Variants in ERI1 observed in about 807,000 individuals in gnomAD.
The protein encoded by ERI1 is 3'-5' exoribonuclease 1.
In ERI1, 39 loss-of-function variants were observed where a neutral mutation model predicts 39.7. The observed-to-expected ratio is 0.98, with a 90% CI of 0.76 to 1.28. ERI1 has a LOEUF of 1.28. Among genes scored for constraint, ERI1 ranks in the 50% most tolerant of loss-of-function variants. The pLI, the probability that ERI1 is intolerant of heterozygous loss-of-function variation, is 0.00. For synonymous variants in ERI1, 204 were observed against 149.6 expected (o/e 1.36, Z -2.65); for missense variants, 581 against 416.9 (o/e 1.39, Z -3.43).
At chr8:9,065,681 C>G (rs1344150278) in intron 3 of ERI1, among the ~76,000 whole-genome samples, 4 of 104,268 alleles carry the variant, frequency 3.8e-5, no homozygotes, top group African/African-American at 1.1e-4. Flanking sequence ...GGCAACAGAG[C>G]GAGACTCCAT....
At chr8:9,047,587 T>C (rs549754393) in intron 3 of ERI1, among the ~76,000 whole-genome samples, 1 of 152,200 alleles carries the variant, frequency 6.6e-6, no homozygotes, top group East Asian at 1.9e-4. Context: ...CAGTCCCAGC[T>C]ACTCAGGAGG....
At chr8:9,022,409 A>AT (rs774260360) in intron 6 of ERI1, among the ~76,000 whole-genome samples, 5 of 151,562 alleles carry the variant, frequency 3.3e-5, no homozygotes, top group Non-Finnish European at 5.9e-5. Flanking sequence ...TTTTTGGTTT[A>AT]TTTGTCTTTG....
chr8:9,085,409 A>G (rs1406657736), intron 3 of ERI1, among the ~76,000 whole-genome samples: 1 of 151,952 alleles, frequency 6.6e-6, no homozygotes, highest in Non-Finnish European at 1.5e-5. Context: ...GAGTTTCACC[A>G]TGTTGGCCAG....
intron 3 of ERI1, among the ~76,000 whole-genome samples, chr8:9,092,477 T>C (rs1046756202): frequency 6.6e-6 from 1 of 152,200 alleles, no homozygotes; most frequent in East Asian, 1.9e-4. Context: ...ATTGGTTAAG[T>C]AGGTGAAGAT....
chr8:9,035,037 G>A (rs1284289056), downstream of ERI1, among the ~76,000 whole-genome samples: 1 of 152,196 alleles, frequency 6.6e-6, no homozygotes, highest in East Asian at 1.9e-4. Context: ...TATTCTGTGA[G>A]GGTTGAGGGA....
chr8:9,090,417 C>T (rs752890897), intron 3 of ERI1, among the ~76,000 whole-genome samples: 7 of 152,052 alleles, frequency 4.6e-5, no homozygotes, highest in Non-Finnish European at 1.0e-4. Context: ...AAATAATCAG[C>T]AATGCAGATG....
At chr8:9,072,284 C>T (rs1302484540) in intron 3 of ERI1, among the ~76,000 whole-genome samples, 1 of 152,198 alleles carries the variant, frequency 6.6e-6, no homozygotes, top group Non-Finnish European at 1.5e-5. Context: ...TTTCTAGTGG[C>T]CTGAAGGTTT....
intron 6 of ERI1, among the ~76,000 whole-genome samples, chr8:9,021,057 C>G (rs1323342511): frequency 3.3e-5 from 5 of 152,132 alleles, no homozygotes; most frequent in Non-Finnish European, 5.9e-5. Flanking sequence ...AGTTACCACT[C>G]CTGCTTGTCC....
At chr8:9,014,983 G>T (rs1420880858) in intron 3 of ERI1, among the ~76,000 whole-genome samples, 2 of 152,044 alleles carry the variant, frequency 1.3e-5, no homozygotes, top group Non-Finnish European at 2.9e-5. Flanking sequence ...AACTATACGT[G>T]CATGCCACCT....
intron 6 of ERI1, among the ~76,000 whole-genome samples, chr8:9,022,119 A>G (rs1004083408): frequency 2.6e-5 from 4 of 152,048 alleles, no homozygotes; most frequent in African/African-American, 7.2e-5. Context: ...TATCAGTGCT[A>G]TGTGAGTTTA....
At position 9,029,965 on chromosome 8, in the gene ERI1, A is replaced by G. The variant is rs752079943; in HGVS notation, c.981A>G (p.Leu327=). ...RINEKMHAGQ[L]MSVSSSLPIE... ...ACGAGAAAATGCATGCAGGACAGCT[A>G]ATGAGTGTGTCCTCTTCCTTACCAA... Residue 327 remains leucine, a synonymous_variant, in exon 7 of 7, where the codon CTA becomes CTG. Coordinates refer to ENST00000250263, the MANE Select transcript of ERI1 (RefSeq NM_153332.4). 82 of 1,614,024 alleles carry G rather than the reference A, an allele frequency of 5.1e-5. No individual in the cohort carries two copies. The highest frequency in any genetic ancestry group is 5.4e-5 in the Non-Finnish European group (64 of 1,180,004).
intron 3 of ERI1, among the ~76,000 whole-genome samples, chr8:9,087,607 T>C (rs1799572527): frequency 6.6e-6 from 1 of 152,152 alleles, no homozygotes; most frequent in African/African-American, 2.4e-5. Flanking sequence ...GATCATGTAT[T>C]CCTTGTGTAA....
chr8:9,018,772 C>G (rs1217809490), intron 5 of ERI1, among the ~76,000 whole-genome samples: 1 of 152,160 alleles, frequency 6.6e-6, no homozygotes, highest in East Asian at 1.9e-4. Flanking sequence ...GCCATTAATC[C>G]TCTTTAGTCA....
intron 3 of ERI1, among the ~76,000 whole-genome samples, chr8:9,056,743 T>C (rs1374974803): frequency 6.6e-6 from 1 of 152,214 alleles, no homozygotes; most frequent in Admixed American, 6.5e-5. Flanking sequence ...ATTTGATAAA[T>C]ACTTCCCTGA....
chr8:9,004,485 CTTTTTTTTT>C (rs71201904), intron 1 of ERI1, among the ~76,000 whole-genome samples: 2 of 78,328 alleles, frequency 2.6e-5, no homozygotes, highest in African/African-American at 5.0e-5. Flanking sequence ...TATAGTGATA[CTTTTTTTTT>C]TTTTTTTTTT....
chr8:9,021,221 C>G (rs937251706), intron 6 of ERI1, among the ~76,000 whole-genome samples: 11 of 152,274 alleles, frequency 7.2e-5, no homozygotes, highest in African/African-American at 2.4e-4. Context: ...ACTCTCCATT[C>G]AAACTGTAAG....
At position 9,011,528 on chromosome 8, in the gene ERI1, C is replaced by G. The variant is rs144089061; in HGVS notation, c.288-14C>G. On this transcript the variant is annotated splice_polypyrimidine_tract_variant and intron_variant, in intron 2 of 6. Transcript: ENST00000250263. ...AATTTACCTAAGTGTAACTAGTCTT[C>G]TTCTTCTACTTAGAGGAGTAAAGGA... 499 of 1,551,150 alleles carry G rather than the reference C, an allele frequency of 3.2e-4. No individual in the cohort carries two copies. The African/African-American group carries it at 6.4e-3, about 20-fold the overall frequency.
chr8:9,077,970 G>C (rs1799259283), intron 3 of ERI1, among the ~76,000 whole-genome samples: 1 of 152,074 alleles, frequency 6.6e-6, no homozygotes, highest in African/African-American at 2.4e-5. Flanking sequence ...TGGTGACACT[G>C]ATCCAGCCTA....
chr8:9,084,828 C>A (rs1799476004), intron 3 of ERI1, among the ~76,000 whole-genome samples: 2 of 152,188 alleles, frequency 1.3e-5, no homozygotes, highest in Non-Finnish European at 2.9e-5. Flanking sequence ...ATCATTCTAA[C>A]CTTCTGAAGA....
Sources: gnomAD v4.1 joint callset for allele counts (sites outside exome capture counted in the v4.1 genomes callset) on GRCh38, gnomAD v4.1.1 for gene constraint, MANE v1.5 for transcripts, NCBI Gene and HGNC (gene_info 2026-07-23, HGNC 2026-07-21) for gene names.